Variants in ANKS1B observed in about 807,000 individuals in gnomAD.
ANKS1B encodes the protein ankyrin repeat and sterile alpha motif domain-containing protein 1B.
In ANKS1B, 36 loss-of-function variants were observed where a neutral mutation model predicts 148.3. The ratio of observed to expected loss-of-function variants is 0.24; its 90% CI spans 0.19 to 0.32. ANKS1B has a LOEUF of 0.32. ANKS1B is among the 10% of genes least tolerant of loss of function. ANKS1B has a pLI of 1.00. For synonymous variants in ANKS1B, 542 were observed against 560.8 expected (o/e 0.97, Z 0.47); for missense variants, 1,157 against 1,542.6 (o/e 0.75, Z 4.19).
At chr12:99,049,886 A>C (rs2099964848) in intron 17 of ANKS1B, among the ~76,000 whole-genome samples, 2 of 152,120 alleles carry the variant, frequency 1.3e-5, no homozygotes, top group South Asian at 4.1e-4. Context: ...CTATCTCCTC[A>C]TCCTCCATTC....
chr12:99,173,496 AAATTT>A (rs1233219248), intron 14 of ANKS1B, among the ~76,000 whole-genome samples: 1 of 152,176 alleles, frequency 6.6e-6, no homozygotes, highest in Non-Finnish European at 1.5e-5. Context: ...CACATGCAGG[AAATTT>A]AATTTATTTC....
intron 16 of ANKS1B, among the ~76,000 whole-genome samples, chr12:99,073,438 G>C (rs2046875526): frequency 6.6e-6 from 1 of 152,126 alleles, no homozygotes; most frequent in Admixed American, 6.6e-5. Flanking sequence ...CCCAGATTAA[G>C]AAGGAAAATA....
chr12:99,624,415 A>G (rs1030002089), intron 9 of ANKS1B, among the ~76,000 whole-genome samples: 64 of 152,116 alleles, frequency 4.2e-4, no homozygotes, highest in Non-Finnish European at 9.1e-4. Flanking sequence ...AGACCTAATT[A>G]AAGAGCTTCT....
chr12:99,915,298 T>C (rs192904914), intron 1 of ANKS1B, among the ~76,000 whole-genome samples: 2 of 139,576 alleles, frequency 1.4e-5, no homozygotes, highest in East Asian at 4.3e-4. Context: ...TGGGAAGAAA[T>C]CACCTATTCA....
rs71770628 is a variant in ANKS1B at position 98,871,692 on chromosome 12, G to GT, written c.2779-39557dup. Among the ~76,000 whole-genome samples, 1,148 of 151,276 alleles carry GT rather than the reference G, an allele frequency of 7.6e-3. 11 individuals carry two copies. Among genetic ancestry groups the GT allele is most frequent in the African/African-American group, 0.026 (1,067 of 41,172 alleles). On this transcript the variant is annotated intron_variant, in intron 17 of 26. Transcript: ENST00000683438. ...GAAGCAGTTACACATTTGAGGAGCT[G>GT]TTTTTTTTTAATTAAAAAAACCATA... is the stretch of plus-strand genomic sequence containing the variant.
At chr12:99,595,626 G>A (rs1475824920) in intron 9 of ANKS1B, among the ~76,000 whole-genome samples, 1 of 151,726 alleles carries the variant, frequency 6.6e-6, no homozygotes, top group African/African-American at 2.4e-5. Flanking sequence ...AGCATTCCAA[G>A]GTCGTTCCTT....
chr12:99,186,054 G>A (rs546009354), intron 14 of ANKS1B, among the ~76,000 whole-genome samples: 2 of 152,300 alleles, frequency 1.3e-5, no homozygotes, highest in South Asian at 2.1e-4. Context: ...AGCTTGGTTG[G>A]GGAAGGGGCG....
intron 17 of ANKS1B, among the ~76,000 whole-genome samples, chr12:99,011,728 G>A (rs913427246): frequency 6.6e-6 from 1 of 152,154 alleles, no homozygotes; most frequent in Non-Finnish European, 1.5e-5. Flanking sequence ...AAGAAAAATA[G>A]GGTTGGGGCA....
intron 15 of ANKS1B, among the ~76,000 whole-genome samples, chr12:99,150,379 T>C (rs183089674): frequency 2.6e-5 from 4 of 152,098 alleles, no homozygotes; most frequent in Non-Finnish European, 5.9e-5. Flanking sequence ...GCATGCCAAA[T>C]GTATTTTTTT....
At chr12:99,576,661 A>C (rs940259902) in intron 9 of ANKS1B, among the ~76,000 whole-genome samples, 7 of 152,164 alleles carry the variant, frequency 4.6e-5, no homozygotes, top group Non-Finnish European at 7.4e-5. Context: ...ATTAAGGCAG[A>C]AATTTAAAAA....
intron 19 of ANKS1B, among the ~76,000 whole-genome samples, chr12:98,821,888 A>G (rs2099196357): frequency 6.7e-6 from 1 of 150,156 alleles, no homozygotes; most frequent in Non-Finnish European, 1.5e-5. Context: ...GATTACAGGC[A>G]TAAGCCACGA....
intron 12 of ANKS1B, among the ~76,000 whole-genome samples, chr12:99,275,393 G>A (rs2077552345): frequency 6.6e-6 from 1 of 152,046 alleles, no homozygotes; most frequent in Non-Finnish European, 1.5e-5. Context: ...ATCTTCATGA[G>A]TTCAATTGTT....
chr12:99,422,622 G>C (rs1045411620), intron 11 of ANKS1B, among the ~76,000 whole-genome samples: 4 of 152,172 alleles, frequency 2.6e-5, no homozygotes, highest in Non-Finnish European at 1.5e-5. Flanking sequence ...AAAAGATACA[G>C]ACAGCACATG....
intron 9 of ANKS1B, among the ~76,000 whole-genome samples, chr12:99,604,406 G>A (rs1446453600): frequency 6.6e-6 from 1 of 151,950 alleles, no homozygotes; most frequent in Non-Finnish European, 1.5e-5. Flanking sequence ...GTTAATTTGG[G>A]TCAAAAAGAC....
At chr12:99,601,048 C>T (rs1394275223) in intron 9 of ANKS1B, among the ~76,000 whole-genome samples, 1 of 151,932 alleles carries the variant, frequency 6.6e-6, no homozygotes, top group Non-Finnish European at 1.5e-5. Flanking sequence ...AATATTTCTG[C>T]CATAATTGTA....
rs181773636 is a variant in ANKS1B at position 99,980,817 on chromosome 12, C to A, written c.134+3287G>T. Among the ~76,000 whole-genome samples the A allele has an allele frequency of 3.9e-5, 6 of 152,098 alleles. No individual in the cohort carries two copies. The East Asian group carries it at 1.2e-3, about 29-fold the overall frequency. ...GACTGCTTTATATTGACCCATACAGCCAATCTACTACCAATTGCTGAAAGT... is the reference window on the plus strand; with the variant it reads ...GACTGCTTTATATTGACCCATACAGACAATCTACTACCAATTGCTGAAAGT... On this transcript the variant is annotated intron_variant, in intron 1 of 26. Coordinates refer to ENST00000683438, the MANE Select transcript of ANKS1B (RefSeq NM_001352186.2).
At chr12:99,271,662 C>CTAAATATATA (rs2077051486) in intron 12 of ANKS1B, among the ~76,000 whole-genome samples, 1 of 94,222 alleles carries the variant, frequency 1.1e-5, no homozygotes, top group Non-Finnish European at 2.1e-5. Context: ...AGTCAATAAA[C>CTAAATATATA]TATATATATA....
chr12:99,141,829 T>C (rs1432101367), intron 15 of ANKS1B, among the ~76,000 whole-genome samples: 1 of 152,138 alleles, frequency 6.6e-6, no homozygotes, highest in African/African-American at 2.4e-5. Context: ...CAGTCTATCA[T>C]TGATAGGCAT....
At chr12:99,593,472 G>A (rs73383750) in intron 9 of ANKS1B, among the ~76,000 whole-genome samples, 1,672 of 152,088 alleles carry the variant, frequency 0.011, 35 homozygotes, top group African/African-American at 0.039. Flanking sequence ...AAATGGGTAG[G>A]CATCAAGGAA....
Sources: allele counts gnomAD v4.1 joint callset (sites outside exome capture counted in the v4.1 genomes callset), GRCh38; gene constraint gnomAD v4.1.1; transcripts MANE v1.5; gene names NCBI Gene and HGNC (gene_info 2026-07-23, HGNC 2026-07-21).